UGT2B28: variants seen among roughly 807,000 people sequenced by gnomAD.
UGT2B28 encodes UDP glucuronosyltransferase family 2 member B28.
In UGT2B28, 45 loss-of-function variants were observed where a neutral mutation model predicts 43.6. The observed-to-expected ratio is 1.03, with a 90% CI of 0.81 to 1.32. The LOEUF (loss-of-function observed/expected upper bound fraction) is 1.32, where lower values mean the gene tolerates loss of function less well. Ranked by LOEUF, UGT2B28 falls within the 40% of genes most tolerant of loss-of-function variation. The pLI is 0.00. For synonymous variants in UGT2B28, 204 were observed against 208.1 expected, an observed-to-expected ratio of 0.98 and a Z score of 0.17; for missense variants, 649 against 625.5, an observed-to-expected ratio of 1.04 and a Z score of -0.40.
chr4:69,288,132 A>C (rs182335596), intron 3 of UGT2B28, among the ~76,000 whole-genome samples: 1 of 114,416 alleles, frequency 8.7e-6, no homozygotes, highest in Non-Finnish European at 1.8e-5. Flanking sequence ...TGATTCCAAC[A>C]GGCTCCTCAT....
In UGT2B28 at chr4:69,280,906, G is replaced by C. The variant is rs144624245; in HGVS notation, c.406G>C (p.Val136Leu). 6 of 1,557,724 alleles carry C rather than the reference G, an allele frequency of 3.9e-6. 1 individual carries two copies. Among genetic ancestry groups the C allele is most frequent in the African/African-American group, 3.0e-5 (2 of 65,982 alleles). ...FCKDVVSNKK[V>L]MKKLQESRFD... Reference sequence around the variant, plus strand: ...TAAAGATGTAGTTTCAAATAAGAAAGTTATGAAAAAACTACAAGAGTCAAG... The same window carrying C: ...TAAAGATGTAGTTTCAAATAAGAAACTTATGAAAAAACTACAAGAGTCAAG... The change falls in exon 1 of 6, where the codon GTT (valine) becomes CTT (leucine). Residue 136 changes from valine to leucine, a missense_variant. Coordinates refer to ENST00000335568, the MANE Select transcript of UGT2B28 (RefSeq NM_053039.2).
intron 2 of UGT2B28, 74 bp from the exon 3 acceptor site, chr4:69,286,678 A>T: frequency 1.4e-6 from 2 of 1,476,504 alleles, no homozygotes; most frequent in Non-Finnish European, 1.8e-6. Flanking sequence ...TCTCTCTTTA[A>T]TATTTGGTAC....
chr4:69,294,584 G>T lies in UGT2B28; in HGVS notation c.1365G>T (p.Lys455Asn). Residue 455 changes from lysine (K) to asparagine (N), a missense_variant, in exon 6 of 6, where the codon AAG becomes AAT. By Grantham distance (94) the Lys-to-Asn change is moderately conservative. Coordinates refer to ENST00000335568, the MANE Select transcript of UGT2B28 (RefSeq NM_053039.2). ...TAATTCAACATGATCAACCAGTAAA[G>T]CCCCTGCATCGAGCAGTCTTCTGGA... is the stretch of plus-strand genomic sequence containing the variant. ...LSIIQHDQPV[K>N]PLHRAVFWIE... 4 of 1,555,458 alleles carry T rather than the reference G, an allele frequency of 2.6e-6. 1 individual carries two copies. Among genetic ancestry groups the T allele is most frequent in the Non-Finnish European group, 3.5e-6 (4 of 1,153,440 alleles).
At chr4:69,288,178 G>A (rs1166853435) in intron 3 of UGT2B28, among the ~76,000 whole-genome samples, 4 of 136,724 alleles carry the variant, frequency 2.9e-5, no homozygotes, top group Admixed American at 7.3e-5. Context: ...CAAAATTAAC[G>A]ATACTGGTAA....
At chr4:69,289,329 C>T (rs1369208438) in intron 3 of UGT2B28, among the ~76,000 whole-genome samples, 1 of 140,172 alleles carries the variant, frequency 7.1e-6, no homozygotes, top group Non-Finnish European at 1.5e-5. Flanking sequence ...ATTTGAATTT[C>T]TCTAATGATC....
chr4:69,290,526 G>A lies in UGT2B28; in HGVS notation c.1091-66G>A, dbSNP rs114583146. On this transcript the variant is annotated intron_variant, in intron 4 of 5. Transcript: ENST00000335568. ...TATCTAGAAAACACTGTCACTTTCA[G>A]AGCATTTCATTGTGTATCGCATTTT... is the stretch of plus-strand genomic sequence containing the variant. 1,893 of 1,520,184 alleles carry A rather than the reference G, an allele frequency of 1.2e-3. 411 individuals are homozygous for A. In the African/African-American group the frequency reaches 0.026, roughly 21 times the overall value. The allele number at this position is 1,520,184 out of a possible 1,614,324, so 94.2% of individuals were successfully genotyped here.
rs1215065307 is a variant in UGT2B28, at chr4:69,293,160, T to A, written c.1311-1370T>A. ...ACTGCTACATTAAAGAAAAAGACAC[T>A]TTTGAGTACATATTATATAATTCAA... On this transcript the variant is annotated intron_variant, in intron 5 of 5. Transcript: ENST00000335568. 1.4e-5 allele frequency among the ~76,000 whole-genome samples: 2 copies of A among 140,464 alleles called. 1 individual carries two copies. Among genetic ancestry groups the A allele is most frequent in the African/African-American group, 5.5e-5 (2 of 36,062 alleles). 92.1% of individuals were successfully genotyped at this position (140,464 alleles called of 152,430 possible).
At position 69,286,010 on chromosome 4, in the gene UGT2B28, G is replaced by A. The variant is rs1243205707; in HGVS notation, c.871-742G>A. Among the ~76,000 whole-genome samples, 7 of 141,118 alleles carry A rather than the reference G, an allele frequency of 5.0e-5. 3 individuals carry two copies. The highest frequency in any genetic ancestry group is 1.9e-4 in the African/African-American group (7 of 36,158). The allele number at this position is 141,118 out of a possible 152,430, so 92.6% of individuals were successfully genotyped here. A position where few individuals can be genotyped will look rare whatever the true frequency, so the allele number is the denominator to read the frequency against. ...CTCCACCTAAACAATAACCTGAAAG[G>A]TACAATTATTCAACAACTAACTATA... On this transcript the variant is annotated intron_variant, in intron 2 of 5. Coordinates refer to ENST00000335568, the MANE Select transcript of UGT2B28 (RefSeq NM_053039.2).
At position 69,289,704 on chromosome 4, in the gene UGT2B28, G is replaced by T. The variant is rs748690226; in HGVS notation, c.1042G>T (p.Gly348Cys). The change falls in exon 4 of 6, where the codon GGT (glycine) becomes TGT (cysteine). Residue 348 changes from glycine to cysteine, a missense_variant. Coordinates refer to ENST00000335568, the MANE Select transcript of UGT2B28 (RefSeq NM_053039.2). ...RFDGNKPDALGLNTRLYKWIP... is the reference protein window; with the variant it reads ...RFDGNKPDALCLNTRLYKWIP... ...TGATGGGAATAAACCAGATGCCTTA[G>T]GTCTCAATACTCGGCTGTATAAGTG... 5 of 1,561,320 alleles carry T rather than the reference G, an allele frequency of 3.2e-6. No individual in the cohort carries two copies. The highest frequency in any genetic ancestry group is 1.8e-5 in the Admixed American group (1 of 56,350).
chr4:69,292,958 A>C (rs747222981), intron 5 of UGT2B28, among the ~76,000 whole-genome samples: 16 of 140,738 alleles, frequency 1.1e-4, no homozygotes, highest in Non-Finnish European at 1.5e-4. Context: ...AATTATATAC[A>C]CAACAGATAT....
intron 1 of UGT2B28, 31 bp downstream of exon 1, chr4:69,281,252 A>G (rs1470382536): frequency 1.0e-5 from 15 of 1,465,552 alleles, no homozygotes; most frequent in Non-Finnish European, 1.3e-5. Flanking sequence ...GAACTTGAAG[A>G]TCTAACTTAT....
At chr4:69,284,241 A>G (rs1723704710) in intron 2 of UGT2B28, among the ~76,000 whole-genome samples, 1 of 140,158 alleles carries the variant, frequency 7.1e-6, no homozygotes, top group South Asian at 2.4e-4. Flanking sequence ...GTATCTGAAT[A>G]GTGCCCTTAG....
rs1245559969 is a variant in UGT2B28, at chr4:69,282,137, C to G, written c.722-377C>G. 5.8e-5 allele frequency among the ~76,000 whole-genome samples: 8 copies of G among 139,054 alleles called. 2 individuals are homozygous for G. The highest frequency in any genetic ancestry group is 1.1e-4 in the Non-Finnish European group (7 of 65,356). 91.2% of individuals were successfully genotyped at this position (139,054 alleles called of 152,430 possible). On this transcript the variant is annotated intron_variant, in intron 1 of 5. Transcript: ENST00000335568. ...TGTTAGAAAATTGGTTTTATGGGTA[C>G]AGTAGAATTAATTGATTATGGAGCT... is the stretch of plus-strand genomic sequence containing the variant.
In UGT2B28 at chr4:69,289,718, G is replaced by T; in HGVS notation, c.1056G>T (p.Arg352=). Reference sequence around the variant, plus strand: ...CAGATGCCTTAGGTCTCAATACTCGGCTGTATAAGTGGATACCCCAGAATG... The same window carrying T: ...CAGATGCCTTAGGTCTCAATACTCGTCTGTATAAGTGGATACCCCAGAATG... The part of the protein sequence containing the change: ...NKPDALGLNT[R]LYKWIPQNDL... The change falls in exon 4 of 6, where the codon CGG becomes CGT. Residue 352 remains arginine (R), a synonymous_variant. Coordinates refer to ENST00000335568, the MANE Select transcript of UGT2B28 (RefSeq NM_053039.2). The T allele has an allele frequency of 1.9e-6, 3 of 1,562,648 alleles. 1 individual carries two copies. Among genetic ancestry groups the T allele is most frequent in the Non-Finnish European group, 1.7e-6 (2 of 1,157,952 alleles).
chr4:69,288,512 T>C (rs1444228822), intron 3 of UGT2B28, among the ~76,000 whole-genome samples: 1 of 140,222 alleles, frequency 7.1e-6, no homozygotes, highest in Admixed American at 7.1e-5. Context: ...GTTACTGTTT[T>C]ATTACACTAG....
In UGT2B28 at chr4:69,281,209, A is replaced by T; in HGVS notation, c.709A>T (p.Ser237Cys). 6.6e-7 allele frequency: 1 copy of T among 1,513,178 alleles called. No homozygotes were observed. Among genetic ancestry groups the T allele is most frequent in the Non-Finnish European group, 8.8e-7 (1 of 1,136,338 alleles). 93.7% of individuals were successfully genotyped at this position (1,513,178 alleles called of 1,614,324 possible). The change falls in exon 1 of 6, where the codon AGT becomes TGT. Residue 237 changes from serine (S) to cysteine (C), a missense_variant. Physicochemically the swap from Ser to Cys is moderately radical, Grantham distance 112. Transcript: ENST00000335568. ...CDMKKWDQFY[S>C]EVLGRPTTLF... ...TATGAAGAAGTGGGATCAGTTTTACAGTGAAGTTTTAGGTAAGAATTTGTT... is the reference window on the plus strand; with the variant it reads ...TATGAAGAAGTGGGATCAGTTTTACTGTGAAGTTTTAGGTAAGAATTTGTT...
chr4:69,294,297 T>A (rs1483226635), intron 5 of UGT2B28, among the ~76,000 whole-genome samples: 1 of 139,954 alleles, frequency 7.1e-6, no homozygotes. Context: ...TTGAAAAAAA[T>A]TAATTTTCTC....
At position 69,294,745 on chromosome 4, in the gene UGT2B28, C is replaced by G. The variant is rs369911389; in HGVS notation, c.1526C>G (p.Thr509Arg). 4.5e-6 allele frequency: 7 copies of G among 1,558,764 alleles called. 1 individual carries two copies. Among genetic ancestry groups the G allele is most frequent in the Non-Finnish European group, 6.1e-6 (7 of 1,155,014 alleles). ...ACVATVIFVV[T>R]KFCLFCFWKF... ...GTGGCAACTGTGATATTTGTCGTCA[C>G]AAAGTTTTGTCTGTTTTGTTTCTGG... The change falls in exon 6 of 6, where the codon ACA becomes AGA. Residue 509 changes from threonine to arginine, a missense_variant. Transcript: ENST00000335568.
chr4:69,286,797 G>T lies in UGT2B28; in HGVS notation c.916G>T (p.Val306Leu). The T allele has an allele frequency of 1.3e-6, 2 of 1,556,734 alleles. No individual in the cohort carries two copies. Among genetic ancestry groups the T allele is most frequent in the Non-Finnish European group, 1.7e-6 (2 of 1,154,634 alleles). Reference protein sequence around the residue: ...VQSSGENGVVVFSLGSVISNM... With the variant: ...VQSSGENGVVLFSLGSVISNM... ...GAGCTCTGGTGAAAATGGTGTTGTG[G>T]TGTTTTCTCTGGGGTCAGTGATAAG... The change falls in exon 3 of 6, where the codon GTG (valine) becomes TTG (leucine). Residue 306 changes from valine to leucine, a missense_variant. Transcript: ENST00000335568.
Sources: gnomAD v4.1 joint callset for allele counts (sites outside exome capture counted in the v4.1 genomes callset) on GRCh38, gnomAD v4.1.1 for gene constraint, MANE v1.5 for transcripts, NCBI Gene and HGNC (gene_info 2026-07-23, HGNC 2026-07-21) for gene names.